Variants in ANKS1B observed in about 807,000 individuals in gnomAD.
ANKS1B encodes the protein ankyrin repeat and sterile alpha motif domain containing 1B, also known as ankyrin repeat and sterile alpha motif domain-containing protein 1B.
Under a neutral mutation model 148.3 loss-of-function variants are expected in ANKS1B, and 36 were observed. That is an observed-to-expected ratio of 0.24 (90% CI 0.19 to 0.32). The LOEUF (loss-of-function observed/expected upper bound fraction) is 0.32. ANKS1B is among the 10% of genes least tolerant of loss of function. ANKS1B has a pLI of 1.00. For synonymous variants in ANKS1B, 542 were observed against 560.8 expected (o/e 0.97, Z 0.47); for missense variants, 1,157 against 1,542.6 (o/e 0.75, Z 4.19).
intron 1 of ANKS1B, among the ~76,000 whole-genome samples, chr12:99,904,348 T>A (rs7315178): frequency 0.3 from 45,798 of 151,830 alleles, 7,247 homozygotes; most frequent in African/African-American, 0.36. Context: ...TGTGCCACCA[T>A]GCCTCAGTAA....
chr12:99,533,726 C>T (rs2097028849), intron 9 of ANKS1B, among the ~76,000 whole-genome samples: 3 of 152,104 alleles, frequency 2.0e-5, no homozygotes, highest in African/African-American at 7.2e-5. Flanking sequence ...AGATTCTACC[C>T]TCCCAGTGAG....
At position 99,648,124 on chromosome 12, in the gene ANKS1B, T is replaced by G. The variant is rs758140403; in HGVS notation, c.1272+6943A>C. 5.7e-6 allele frequency: 9 copies of G among 1,571,032 alleles called. No individual in the cohort carries two copies. The Admixed American group carries it at 1.6e-4, about 28-fold the overall frequency. On this transcript the variant is annotated intron_variant, in intron 9 of 26. Transcript: ENST00000683438. ...AAACAGGATGCCCGCTAAAGCATGT[T>G]AAGGAAGGTGTGGAGCAGCTGCTGG...
intron 17 of ANKS1B, among the ~76,000 whole-genome samples, chr12:98,856,482 T>A (rs887515477): frequency 6.6e-6 from 1 of 152,214 alleles, no homozygotes; most frequent in African/African-American, 2.4e-5. Context: ...CATAGGCCTA[T>A]TGAAGGCATT....
intron 12 of ANKS1B, among the ~76,000 whole-genome samples, chr12:99,349,647 A>G (rs532367423): frequency 2.0e-5 from 3 of 152,084 alleles, no homozygotes; most frequent in Non-Finnish European, 2.9e-5. Flanking sequence ...AAAAGCATAC[A>G]TGCACCTAAC....
chr12:99,590,091 A>T (rs1458481584), intron 9 of ANKS1B, among the ~76,000 whole-genome samples: 4 of 152,192 alleles, frequency 2.6e-5, no homozygotes, highest in Non-Finnish European at 5.9e-5. Context: ...TAAAAATATA[A>T]TGCTGAAAAA....
intron 8 of ANKS1B, among the ~76,000 whole-genome samples, chr12:99,724,649 C>T (rs764929548): frequency 1.4e-4 from 21 of 152,076 alleles, no homozygotes; most frequent in Non-Finnish European, 2.6e-4. Flanking sequence ...TCAGGAAATA[C>T]AGTGAACACC....
At chr12:99,273,579 T>G (rs1269516518) in intron 12 of ANKS1B, among the ~76,000 whole-genome samples, 2 of 144,542 alleles carry the variant, frequency 1.4e-5, no homozygotes, top group African/African-American at 5.2e-5. Flanking sequence ...TTGCGATTTT[T>G]TTTTTTTTTT....
rs1369540132 is a variant in ANKS1B at position 98,744,708 on chromosome 12, G to GAA, written c.*1029_*1030dup. The GAA allele has an allele frequency of 1.0e-6, 1 of 958,696 alleles. No individual in the cohort carries two copies. The highest frequency in any genetic ancestry group is 1.2e-6 in the Non-Finnish European group (1 of 811,104). The allele number at this position is 958,696 out of a possible 1,614,324, so 59.4% of individuals were successfully genotyped here. A position where few individuals can be genotyped will look rare whatever the true frequency, so the allele number is the denominator to read the frequency against. Reference sequence around the variant, plus strand: ...TTTTTTTTTGTATTTATTTTTTCTAGAAAAAGAAATTTTTGCAATAGAATT... The same window carrying GAA: ...TTTTTTTTTGTATTTATTTTTTCTAGAAAAAAAGAAATTTTTGCAATAGAATT... On this transcript the variant is annotated 3_prime_UTR_variant, in exon 27 of 27. Coordinates refer to ENST00000683438, the MANE Select transcript of ANKS1B (RefSeq NM_001352186.2).
intron 9 of ANKS1B, among the ~76,000 whole-genome samples, chr12:99,517,951 G>A (rs1453124007): frequency 2.0e-5 from 3 of 152,034 alleles, no homozygotes; most frequent in African/African-American, 4.8e-5. Flanking sequence ...TTCATCAAAT[G>A]CTTTTTCAGC....
At chr12:99,613,723 G>A (rs1253223156) in intron 9 of ANKS1B, among the ~76,000 whole-genome samples, 1 of 151,930 alleles carries the variant, frequency 6.6e-6, no homozygotes, top group Non-Finnish European at 1.5e-5. Flanking sequence ...GTAGGAGGAG[G>A]GAGAGGATCA....
chr12:99,459,258 G>A (rs1019218455), intron 10 of ANKS1B, among the ~76,000 whole-genome samples: 8 of 151,134 alleles, frequency 5.3e-5, no homozygotes, highest in African/African-American at 1.5e-4. Flanking sequence ...AAGGTCATTC[G>A]TTAATGTAAT....
chr12:99,953,595 A>AG (rs1309961815), intron 1 of ANKS1B, among the ~76,000 whole-genome samples: 8 of 116,548 alleles, frequency 6.9e-5, no homozygotes, highest in Non-Finnish European at 1.3e-4. Flanking sequence ...TGTTTAAGGA[A>AG]AAAAAAAAAA....
intron 1 of ANKS1B, among the ~76,000 whole-genome samples, chr12:99,973,119 T>C (rs1746939962): frequency 6.6e-6 from 1 of 152,242 alleles, no homozygotes; most frequent in Non-Finnish European, 1.5e-5. Flanking sequence ...ACAAGAGCTC[T>C]GATGGAGATG....
At chr12:99,219,560 A>G (rs138331662) in intron 14 of ANKS1B, among the ~76,000 whole-genome samples, 1,549 of 152,278 alleles carry the variant, frequency 0.01, 26 homozygotes, top group South Asian at 0.048. Context: ...CCTCTCTTAC[A>G]GGTTAGCTGG....
chr12:99,905,575 G>C (rs73376142), intron 1 of ANKS1B, among the ~76,000 whole-genome samples: 4,482 of 152,312 alleles, frequency 0.029, 197 homozygotes, highest in African/African-American at 0.098. Flanking sequence ...CCATAACCAA[G>C]TATTACAGGC....
intron 17 of ANKS1B, among the ~76,000 whole-genome samples, chr12:98,965,806 C>T (rs1481655830): frequency 1.3e-5 from 2 of 152,122 alleles, no homozygotes; most frequent in Non-Finnish European, 2.9e-5. Flanking sequence ...GAAAGGATTC[C>T]TTATTTAATA....
intron 14 of ANKS1B, among the ~76,000 whole-genome samples, chr12:99,175,457 A>G (rs941836471): frequency 1.3e-5 from 2 of 152,234 alleles, no homozygotes; most frequent in African/African-American, 4.8e-5. Flanking sequence ...ACAATATTTT[A>G]AATAATTTTG....
chr12:98,985,287 A>AT (rs936808497), intron 17 of ANKS1B, among the ~76,000 whole-genome samples: 36 of 151,200 alleles, frequency 2.4e-4, no homozygotes, highest in African/African-American at 7.3e-4. Flanking sequence ...TAATTAAAAA[A>AT]TTTTTTTTTG....
At chr12:99,797,967 G>A (rs995308188) in intron 4 of ANKS1B, among the ~76,000 whole-genome samples, 1 of 151,872 alleles carries the variant, frequency 6.6e-6, no homozygotes, top group Non-Finnish European at 1.5e-5. Context: ...TGCATTTAAA[G>A]GGATGTTTGT....
Sources: allele counts gnomAD v4.1 joint callset (sites outside exome capture counted in the v4.1 genomes callset), GRCh38; gene constraint gnomAD v4.1.1; transcripts MANE v1.5; gene names NCBI Gene and HGNC (gene_info 2026-07-23, HGNC 2026-07-21).